Variants in KCNH7 observed in about 807,000 individuals in gnomAD.
The protein encoded by KCNH7 is voltage-gated inwardly rectifying potassium channel KCNH7.
KCNH7 carries 49 observed loss-of-function variants against 120.8 expected under a neutral mutation model. The observed-to-expected ratio is 0.41, with a 90% CI of 0.32 to 0.51. The LOEUF (loss-of-function observed/expected upper bound fraction) is 0.51, where lower values mean the gene tolerates loss of function less well. KCNH7 is among the 20% of genes least tolerant of loss of function. KCNH7 has a pLI of 0.38. For missense variants in KCNH7, 1,097 were observed against 1,446.6 expected (o/e 0.76, Z 3.92); for synonymous variants, 547 against 516.1 (o/e 1.06, Z -0.81).
At chr2:162,500,434 C>T (rs1317569630) in intron 6 of KCNH7, among the ~76,000 whole-genome samples, 1 of 149,906 alleles carries the variant, frequency 6.7e-6, no homozygotes, top group Non-Finnish European at 1.5e-5. Context: ...ACATGAATGA[C>T]CAACGAATGA....
At chr2:162,593,540 G>A (rs935638334) in intron 2 of KCNH7, among the ~76,000 whole-genome samples, 9 of 151,992 alleles carry the variant, frequency 5.9e-5, no homozygotes, top group Non-Finnish European at 1.5e-5. Context: ...ATTCTGAAAT[G>A]CCACCTTCAA....
At chr2:162,515,356 C>T (rs1691244563) in intron 4 of KCNH7, among the ~76,000 whole-genome samples, 1 of 151,660 alleles carries the variant, frequency 6.6e-6, no homozygotes, top group African/African-American at 2.4e-5. Context: ...AAATGGATAT[C>T]ATATAAATTA....
At chr2:162,410,751 A>G (rs1231479882) in intron 9 of KCNH7, among the ~76,000 whole-genome samples, 1 of 152,096 alleles carries the variant, frequency 6.6e-6, no homozygotes, top group Non-Finnish European at 1.5e-5. Context: ...CAAACCAACA[A>G]GCAAAAATCA....
rs147643554 is a variant in KCNH7 at position 162,431,168 on chromosome 2, C to T, written c.1954+4030G>A. Among the ~76,000 whole-genome samples the T allele has an allele frequency of 6.5e-3, 990 of 152,016 alleles. 6 individuals carry two copies. Among genetic ancestry groups the T allele is most frequent in the African/African-American group, 0.018 (732 of 41,506 alleles). On this transcript the variant is annotated intron_variant, in intron 8 of 15. Transcript: ENST00000332142. ...TATTTTTAGTTTCCTTCAATTATAT[C>T]GCTATAAGATAGAAGGCTGATTGCC...
chr2:162,444,871 A>G (rs1381553800), intron 7 of KCNH7, among the ~76,000 whole-genome samples: 1 of 152,100 alleles, frequency 6.6e-6, no homozygotes, highest in Non-Finnish European at 1.5e-5. Context: ...CTGATTTTTA[A>G]AAAGTATTTT....
chr2:162,827,004 A>G (rs1036599629), intron 2 of KCNH7, among the ~76,000 whole-genome samples: 2 of 152,218 alleles, frequency 1.3e-5, no homozygotes, highest in East Asian at 1.9e-4. Flanking sequence ...CATTAAGGCT[A>G]TCTCAGGAAG....
At chr2:162,438,694 A>G (rs1011044883) in intron 7 of KCNH7, among the ~76,000 whole-genome samples, 71 of 152,128 alleles carry the variant, frequency 4.7e-4, no homozygotes, top group African/African-American at 1.6e-3. Context: ...TGACAATGTA[A>G]CAGATGCCTT....
intron 9 of KCNH7, among the ~76,000 whole-genome samples, chr2:162,413,463 G>A (rs976084188): frequency 6.6e-6 from 1 of 152,072 alleles, no homozygotes. Flanking sequence ...GACAAATAGA[G>A]CAGCCTTTAG....
chr2:162,685,999 C>T (rs113931868), intron 2 of KCNH7, among the ~76,000 whole-genome samples: 1,688 of 151,984 alleles, frequency 0.011, 27 homozygotes, highest in African/African-American at 0.037. Context: ...TATTACTGTC[C>T]GGACCATAAG....
intron 6 of KCNH7, among the ~76,000 whole-genome samples, chr2:162,468,334 C>CT (rs67734539): frequency 0.073 from 11,161 of 151,924 alleles, 1,302 homozygotes; most frequent in African/African-American, 0.25. Context: ...ACAATCTGAC[C>CT]TATGTCTTCA....
intron 12 of KCNH7, 82 bp from the exon 13 acceptor site, chr2:162,385,021 T>C (rs1686533642): frequency 9.2e-7 from 1 of 1,086,968 alleles, no homozygotes; most frequent in Non-Finnish European, 1.3e-6. Context: ...ACTACCTAGC[T>C]ATATATATAA....
At chr2:162,488,451 G>A (rs556796257) in intron 6 of KCNH7, among the ~76,000 whole-genome samples, 2 of 152,224 alleles carry the variant, frequency 1.3e-5, no homozygotes, top group South Asian at 4.1e-4. Flanking sequence ...TTAGAAGGTA[G>A]CAAAGACCAC....
chr2:162,836,360 A>T (rs892192811), intron 2 of KCNH7, among the ~76,000 whole-genome samples, 177 bp downstream of exon 2: 13 of 152,270 alleles, frequency 8.5e-5, no homozygotes, highest in African/African-American at 2.9e-4. Context: ...CAAAGAAAAA[A>T]TTGTTTCTAC....
intron 2 of KCNH7, among the ~76,000 whole-genome samples, chr2:162,628,376 C>T (rs1271663133): frequency 6.6e-6 from 1 of 152,052 alleles, no homozygotes; most frequent in Non-Finnish European, 1.5e-5. Flanking sequence ...GATGCCTTAC[C>T]CCATCCTTTC....
In KCNH7 at chr2:162,656,971, G is replaced by A. The variant is rs78983828; in HGVS notation, c.308-119891C>T. 7.2e-5 allele frequency among the ~76,000 whole-genome samples: 11 copies of A among 152,298 alleles called. 1 individual carries two copies. Among genetic ancestry groups the A allele is most frequent in the Admixed American group, 2.0e-4 (3 of 15,300 alleles). ...TAAAGGTGCTAAGGCAGCTTTAGCA[G>A]ATTGCTGCTAGAAAATGGGATTCTT... On this transcript the variant is annotated intron_variant, in intron 2 of 15. Coordinates refer to ENST00000332142, the MANE Select transcript of KCNH7 (RefSeq NM_033272.4).
At chr2:162,423,188 G>A in intron 9 of KCNH7, 148 bp downstream of exon 9, 1 of 1,513,458 alleles carries the variant, frequency 6.6e-7, no homozygotes, top group East Asian at 2.3e-5. Context: ...AATTGAGAAT[G>A]AGAGACTATC....
At chr2:162,507,208 T>C (rs966477082) in intron 5 of KCNH7, among the ~76,000 whole-genome samples, 4 of 151,716 alleles carry the variant, frequency 2.6e-5, no homozygotes, top group Non-Finnish European at 4.4e-5. Flanking sequence ...TATTTCAGAG[T>C]TTAGTTTACA....
rs565301587 is a variant in KCNH7, at chr2:162,774,754, C to T, written c.307+61783G>A. Among the ~76,000 whole-genome samples, 17 of 152,194 alleles carry T rather than the reference C, an allele frequency of 1.1e-4. No individual in the cohort carries two copies. In the South Asian group the frequency reaches 1.2e-3, roughly 11 times the overall value. On this transcript the variant is annotated intron_variant, in intron 2 of 15. Transcript: ENST00000332142. Reference sequence around the variant, plus strand: ...AAGAAAACTAGTGTATAATTCTACCCCACTGAAATAATGATTATAAATATT... The same window carrying T: ...AAGAAAACTAGTGTATAATTCTACCTCACTGAAATAATGATTATAAATATT...
intron 2 of KCNH7, among the ~76,000 whole-genome samples, chr2:162,693,571 G>C (rs1172785319): frequency 6.6e-6 from 1 of 152,190 alleles, no homozygotes; most frequent in Non-Finnish European, 1.5e-5. Flanking sequence ...CAATGAGTTA[G>C]GACGTTAGCA....
Sources: gnomAD v4.1 joint callset for allele counts (sites outside exome capture counted in the v4.1 genomes callset) on GRCh38, gnomAD v4.1.1 for gene constraint, MANE v1.5 for transcripts, NCBI Gene and HGNC (gene_info 2026-07-23, HGNC 2026-07-21) for gene names.